Variants in BCL11B observed in about 807,000 individuals in gnomAD.
BCL11B encodes BCL11 transcription factor B.
A neutral mutation model predicts 49.9 loss-of-function variants in BCL11B; 8 were observed. The ratio of observed to expected loss-of-function variants is 0.16; its 90% CI spans 0.09 to 0.29. The LOEUF (loss-of-function observed/expected upper bound fraction) is 0.29. Ranked by LOEUF, BCL11B falls within the 10% of genes least tolerant of loss-of-function variation. The probability of loss-of-function intolerance (pLI) is 1.00; values close to 1 mark genes in which losing one functional copy is unlikely to be tolerated. For missense variants in BCL11B, 1,006 were observed against 1,351.0 expected (o/e 0.74, Z 4.00); for synonymous variants, 739 against 637.4 (o/e 1.16, Z -2.40).
rs906380306 is a variant in BCL11B, at chr14:99,213,232, C to T, written c.640+18113G>A. 1.3e-5 allele frequency among the ~76,000 whole-genome samples: 2 copies of T among 152,180 alleles called. No individual in the cohort carries two copies. The highest frequency in any genetic ancestry group is 1.5e-5 in the Non-Finnish European group (1 of 68,042). On this transcript the variant is annotated intron_variant, in intron 3 of 3. Transcript: ENST00000357195. This position sits in a 1 kb window ranked among gnomAD's most constrained non-coding sequence, Gnocchi z 5.1. ...TGAGCCCCTGGAATGAAGAAGGGAG[C>T]CCCGGAGGCTCGGCCGACCTGGGTG... is the stretch of plus-strand genomic sequence containing the variant.
chr14:99,191,499 A>G (rs140721817), intron 3 of BCL11B, among the ~76,000 whole-genome samples: 1 of 152,190 alleles, frequency 6.6e-6, no homozygotes, highest in African/African-American at 2.4e-5. Flanking sequence ...CAGAGAGAAG[A>G]GGAGGGGCCC....
At chr14:99,182,505 A>G (rs940275917) in intron 3 of BCL11B, among the ~76,000 whole-genome samples, 1 of 152,216 alleles carries the variant, frequency 6.6e-6, no homozygotes, top group Non-Finnish European at 1.5e-5. Flanking sequence ...AAAAATGTCA[A>G]GATGTGTTGC....
chr14:99,256,041 G>A (rs1317866144), intron 2 of BCL11B, among the ~76,000 whole-genome samples: 1 of 152,260 alleles, frequency 6.6e-6, no homozygotes, highest in South Asian at 2.1e-4. Context: ...TAAGCCCCTT[G>A]TGCAGGTGAG....
At chr14:99,239,163 C>T (rs777855778) in intron 2 of BCL11B, among the ~76,000 whole-genome samples, 14 of 152,150 alleles carry the variant, frequency 9.2e-5, no homozygotes, top group Non-Finnish European at 1.6e-4. Context: ...GGAGGAATTG[C>T]CCCTTTTCCT....
In BCL11B at chr14:99,170,297, G is replaced by A. The variant is rs948758810; in HGVS notation, c.*3854C>T. 2.7e-5 allele frequency: 6 copies of A among 221,690 alleles called. No homozygotes were observed. In the South Asian group the frequency reaches 5.5e-4, roughly 20 times the overall value. The allele number at this position is 221,690 out of a possible 1,614,324, so 13.7% of individuals were successfully genotyped here. ...CTTTGCAAAGGTAAGTGGCAAGGAGGAAAGAGTGCATCGAACAGAAAAGCT... is the reference window on the plus strand; with the variant it reads ...CTTTGCAAAGGTAAGTGGCAAGGAGAAAAGAGTGCATCGAACAGAAAAGCT... On this transcript the variant is annotated 3_prime_UTR_variant, in exon 4 of 4. Transcript: ENST00000357195.
rs1887318825 is a variant in BCL11B at position 99,199,724 on chromosome 14, GCA to G, written c.641-23531_641-23530del. On this transcript the variant is annotated intron_variant, in intron 3 of 3. Transcript: ENST00000357195. ...CGTGCACGTGTGTGCGTGTGTGCAT[GCA>G]TATGTGTGTGTGTACACAAAAGAAA... 6.7e-5 allele frequency among the ~76,000 whole-genome samples: 9 copies of G among 134,214 alleles called. 1 individual carries two copies. The highest frequency in any genetic ancestry group is 6.6e-4 in the Admixed American group (9 of 13,734). The allele number at this position is 134,214 out of a possible 152,430, so 88.0% of individuals were successfully genotyped here.
intron 3 of BCL11B, among the ~76,000 whole-genome samples, chr14:99,225,237 G>C (rs1888125490): frequency 6.6e-6 from 1 of 152,246 alleles, no homozygotes; most frequent in Admixed American, 6.5e-5. Flanking sequence ...TGCCACCCAT[G>C]TGTCATGGCT....
chr14:99,169,781 A>C lies in BCL11B; in HGVS notation c.*4370T>G. 1 of 225,704 alleles carries C rather than the reference A, an allele frequency of 4.4e-6. No homozygotes were observed. Among genetic ancestry groups the C allele is most frequent in the Non-Finnish European group, 8.8e-6 (1 of 113,026 alleles). 14.0% of individuals were successfully genotyped at this position (225,704 alleles called of 1,614,324 possible). ...CGAGACCTTCGGCTGACGGTTACTT[A>C]GGACCGGGATGAAAGGCTGATTTCC... On this transcript the variant is annotated 3_prime_UTR_variant, in exon 4 of 4. Coordinates refer to ENST00000357195, the MANE Select transcript of BCL11B (RefSeq NM_138576.4).
intron 2 of BCL11B, among the ~76,000 whole-genome samples, chr14:99,239,102 C>T (rs1178880966): frequency 6.6e-6 from 1 of 152,224 alleles, no homozygotes; most frequent in African/African-American, 2.4e-5. Flanking sequence ...CAAATTGCAA[C>T]TGAGAGATTC....
rs760025525 is a variant in BCL11B, at chr14:99,205,409, C to A, written c.640+25936G>T. ...AAGTTTGACGGTTTGGGAAAATTCGCGGACTCTCCCAAAGCCTGCATCTCC... is the reference window on the plus strand; with the variant it reads ...AAGTTTGACGGTTTGGGAAAATTCGAGGACTCTCCCAAAGCCTGCATCTCC... On this transcript the variant is annotated intron_variant, in intron 3 of 3. Coordinates refer to ENST00000357195, the MANE Select transcript of BCL11B (RefSeq NM_138576.4). This position sits in a 1 kb window ranked among gnomAD's most constrained non-coding sequence, Gnocchi z 5.0. 2.7e-4 allele frequency among the ~76,000 whole-genome samples: 41 copies of A among 152,252 alleles called. No homozygotes were observed. Among genetic ancestry groups the A allele is most frequent in the Non-Finnish European group, 5.3e-4 (36 of 68,004 alleles).
rs1886229746 is a variant in BCL11B at position 99,169,817 on chromosome 14, C to T, written c.*4334G>A. On this transcript the variant is annotated 3_prime_UTR_variant, in exon 4 of 4. Coordinates refer to ENST00000357195, the MANE Select transcript of BCL11B (RefSeq NM_138576.4). ...GAAAGGCTGATTTCCTTACTTTTCA[C>T]ATTTTGCTTAGAGTAATTCAGTCTC... The T allele has an allele frequency of 4.4e-6, 1 of 226,206 alleles. No homozygotes were observed. The highest frequency in any genetic ancestry group is 2.2e-5 in the African/African-American group (1 of 44,904). The allele number at this position is 226,206 out of a possible 1,614,324, so 14.0% of individuals were successfully genotyped here.
intron 3 of BCL11B, among the ~76,000 whole-genome samples, chr14:99,180,905 C>T (rs1886681215): frequency 2.6e-5 from 4 of 152,144 alleles, no homozygotes; most frequent in Admixed American, 2.6e-4. Flanking sequence ...TGGGAACCGA[C>T]GTGCAGCTGG....
At chr14:99,222,481 C>T (rs964430008) in intron 3 of BCL11B, among the ~76,000 whole-genome samples, 1 of 152,228 alleles carries the variant, frequency 6.6e-6, no homozygotes, top group Non-Finnish European at 1.5e-5. Context: ...AGGAAATCGA[C>T]TTGGTTAAGG....
At chr14:99,180,335 C>A (rs1217948205) in intron 3 of BCL11B, among the ~76,000 whole-genome samples, 1 of 152,216 alleles carries the variant, frequency 6.6e-6, no homozygotes, top group Non-Finnish European at 1.5e-5. Flanking sequence ...GACCCAGGGC[C>A]TCGTCTTCCC....
intron 3 of BCL11B, among the ~76,000 whole-genome samples, chr14:99,188,900 C>G (rs954519004): frequency 1.3e-5 from 2 of 152,230 alleles, no homozygotes; most frequent in Admixed American, 6.5e-5. Flanking sequence ...CTCCAGCCAG[C>G]TTGTCACCGA....
chr14:99,271,690 A>T lies in BCL11B; in HGVS notation c.-472T>A, dbSNP rs1240819178. ...GCACCGGCTCCTGACACTTTCTTTC[A>T]GGGTCTGGTAGGTGGAAAGCGCACT... On this transcript the variant is annotated 5_prime_UTR_variant, in exon 1 of 4. Coordinates refer to ENST00000357195, the MANE Select transcript of BCL11B (RefSeq NM_138576.4). Among the ~76,000 whole-genome samples, 1 of 151,870 alleles carries T rather than the reference A, an allele frequency of 6.6e-6. No homozygotes were observed. The highest frequency in any genetic ancestry group is 2.4e-5 in the African/African-American group (1 of 41,366).
At chr14:99,261,117 C>T (rs1351798309) in intron 1 of BCL11B, among the ~76,000 whole-genome samples, 1 of 152,204 alleles carries the variant, frequency 6.6e-6, no homozygotes, top group African/African-American at 2.4e-5. Flanking sequence ...CTGCTGTGTG[C>T]GACACTTCCC....
Position 99,174,979 on chromosome 14 carries a change from C to A in BCL11B, c.1857G>T (p.Lys619Asn). The A allele has an allele frequency of 3.2e-6, 5 of 1,569,744 alleles. No individual in the cohort carries two copies. The highest frequency in any genetic ancestry group is 4.3e-6 in the Non-Finnish European group (5 of 1,165,406). The part of the protein sequence containing the change: ...QYGELLADKQ[K>N]RGAFLKRAAG... ...CCGCACGCTTCAGGAAGGCGCCGCG[C>A]TTCTGCTTGTCGGCCAGGAGCTCGC... The change falls in exon 4 of 4, where the codon AAG (lysine) becomes AAT (asparagine). Residue 619 changes from lysine (K) to asparagine (N), a missense_variant. Around this residue, in one of 6 missense-constraint regions of BCL11B, gnomAD observed 443 missense variants for 499.7 expected, o/e 0.89. Coordinates refer to ENST00000357195, the MANE Select transcript of BCL11B (RefSeq NM_138576.4).
At chr14:99,176,250 C>A (rs1886525607) in intron 3 of BCL11B, 55 bp from the exon 4 acceptor site, 1 of 1,526,580 alleles carries the variant, frequency 6.6e-7, no homozygotes, top group Admixed American at 1.8e-5. Context: ...GGCAGCGGGG[C>A]GCGGGCACCG....
Sources: allele counts gnomAD v4.1 joint callset (sites outside exome capture counted in the v4.1 genomes callset), GRCh38; gene constraint gnomAD v4.1.1; regional missense constraint gnomAD v4.1.1; non-coding constraint Gnocchi (gnomAD v3.1); transcripts MANE v1.5; gene names NCBI Gene and HGNC (gene_info 2026-07-23, HGNC 2026-07-21).